The following ADAM12 variants were observed in gnomAD, a reference collection of about 807,000 sequenced individuals.
ADAM12 encodes the protein disintegrin and metalloproteinase domain-containing protein 12.
In ADAM12, 70 loss-of-function variants were observed where a neutral mutation model predicts 106.4. The observed-to-expected ratio is 0.66, with a 90% CI of 0.54 to 0.80. The LOEUF (loss-of-function observed/expected upper bound fraction) is 0.80. Ranked by LOEUF, ADAM12 falls within the 30% of genes least tolerant of loss-of-function variation. ADAM12 has a pLI of 0.00. For synonymous variants in ADAM12, 420 were observed against 433.5 expected, an observed-to-expected ratio of 0.97 and a Z score of 0.39; for missense variants, 1,010 against 1,171.9, an observed-to-expected ratio of 0.86 and a Z score of 2.02.
chr10:126,255,721 T>C (rs543224666), intron 3 of ADAM12, among the ~76,000 whole-genome samples: 3 of 152,122 alleles, frequency 2.0e-5, no homozygotes. Flanking sequence ...CCTGGCTCCA[T>C]GAGGGTTGTC....
intron 1 of ADAM12, among the ~76,000 whole-genome samples, chr10:126,380,325 C>T (rs914871675): frequency 3.9e-5 from 6 of 152,200 alleles, no homozygotes; most frequent in African/African-American, 1.4e-4. Context: ...CATTACCGTT[C>T]TGCTGAGATC....
rs1420073425 is a variant in ADAM12, at chr10:126,249,611, G to A, written c.260+29304C>T. ...CTCAGCTACTTGGGAGGCTGAGGCA[G>A]GAGAATGGCGTCAACCCGGGAGGCG... On this transcript the variant is annotated intron_variant, in intron 3 of 22. Transcript: ENST00000448723. Among the ~76,000 whole-genome samples, 6 of 152,194 alleles carry A rather than the reference G, an allele frequency of 3.9e-5. No homozygotes were observed. The South Asian group carries it at 1.2e-3, about 32-fold the overall frequency.
At chr10:126,106,486 C>CTT (rs533243635) in intron 8 of ADAM12, among the ~76,000 whole-genome samples, 26 of 115,958 alleles carry the variant, frequency 2.2e-4, no homozygotes, top group Admixed American at 3.5e-4. Flanking sequence ...TCTTCTTCTT[C>CTT]TTTTTTTTTT....
rs1312884459 is a variant in ADAM12 at position 126,014,206 on chromosome 10, A to AG, written c.*3072dup. 4 of 148,748 alleles carry AG rather than the reference A, an allele frequency of 2.7e-5. No individual in the cohort carries two copies. The highest frequency in any genetic ancestry group is 5.9e-5 in the Non-Finnish European group (4 of 67,560). 9.2% of individuals were successfully genotyped at this position (148,748 alleles called of 1,614,324 possible). ...GAGTGCTTAGTAAACATCAGTGGCG[A>AG]GGGGGCAGGAGGATGCTCAGCCCTG... is the stretch of plus-strand genomic sequence containing the variant. On this transcript the variant is annotated 3_prime_UTR_variant, in exon 23 of 23. Transcript: ENST00000448723.
At chr10:126,341,983 A>C (rs1273007573) in intron 1 of ADAM12, among the ~76,000 whole-genome samples, 1 of 152,220 alleles carries the variant, frequency 6.6e-6, no homozygotes, top group Non-Finnish European at 1.5e-5. Flanking sequence ...TAGTTTCTAG[A>C]TCTGAAACCT....
intron 2 of ADAM12, among the ~76,000 whole-genome samples, chr10:126,288,572 G>A (rs1959989366): frequency 6.6e-6 from 1 of 152,170 alleles, no homozygotes; most frequent in African/African-American, 2.4e-5. Flanking sequence ...CTGGGGATAG[G>A]ACTGTGTGGT....
chr10:126,243,867 G>T (rs1334512373), intron 3 of ADAM12, among the ~76,000 whole-genome samples: 1 of 152,176 alleles, frequency 6.6e-6, no homozygotes, highest in East Asian at 1.9e-4. Flanking sequence ...CATTGACAAC[G>T]GGGAATGTGA....
intron 2 of ADAM12, among the ~76,000 whole-genome samples, chr10:126,296,107 CAAAACATTTTTT>C (rs1372708338): frequency 6.6e-6 from 1 of 152,118 alleles, no homozygotes; most frequent in East Asian, 1.9e-4. Context: ...AAATGTGCAC[CAAAACATTTTTT>C]AAAATAAAAT....
chr10:126,229,160 A>G (rs985684105), intron 3 of ADAM12, among the ~76,000 whole-genome samples: 1 of 152,146 alleles, frequency 6.6e-6, no homozygotes, highest in Non-Finnish European at 1.5e-5. Flanking sequence ...CCTTCCCAGG[A>G]GGCGGGCAGG....
intron 3 of ADAM12, among the ~76,000 whole-genome samples, chr10:126,206,438 G>A (rs1370718912): frequency 6.6e-6 from 1 of 152,138 alleles, no homozygotes; most frequent in Admixed American, 6.5e-5. Context: ...CAAAGTGAAA[G>A]AGGTGACTCC....
chr10:126,375,512 C>T (rs1856255982), intron 1 of ADAM12, among the ~76,000 whole-genome samples: 1 of 151,964 alleles, frequency 6.6e-6, no homozygotes, highest in Non-Finnish European at 1.5e-5. Flanking sequence ...TACTGACTAC[C>T]TTTGGACTCT....
At chr10:126,083,174 C>T (rs1358085810) in intron 11 of ADAM12, among the ~76,000 whole-genome samples, 3 of 152,190 alleles carry the variant, frequency 2.0e-5, no homozygotes, top group African/African-American at 7.2e-5. Flanking sequence ...TTAGTGAAAC[C>T]CTGCTGGGGA....
chr10:126,173,047 G>C (rs1957147790), intron 3 of ADAM12, among the ~76,000 whole-genome samples: 1 of 152,162 alleles, frequency 6.6e-6, no homozygotes, highest in Admixed American at 6.5e-5. Flanking sequence ...ATAAGTGGGA[G>C]TTGAACAATG....
At chr10:126,362,380 G>T (rs759416208) in intron 1 of ADAM12, among the ~76,000 whole-genome samples, 6 of 151,838 alleles carry the variant, frequency 4.0e-5, no homozygotes, top group Non-Finnish European at 2.9e-5. Flanking sequence ...CTCTATAGAG[G>T]TTCCTCAAAA....
chr10:126,128,564 G>C (rs1324818020), intron 5 of ADAM12, among the ~76,000 whole-genome samples: 2 of 152,084 alleles, frequency 1.3e-5, no homozygotes, highest in East Asian at 3.9e-4. Context: ...TGTGCAAGTG[G>C]GCGCCTGTGC....
At chr10:126,213,391 G>T (rs1454096432) in intron 3 of ADAM12, among the ~76,000 whole-genome samples, 1 of 152,208 alleles carries the variant, frequency 6.6e-6, no homozygotes, top group Non-Finnish European at 1.5e-5. Context: ...ATGATCCCCA[G>T]ATTATATGCC....
At chr10:126,121,800 T>A (rs993705581) in intron 5 of ADAM12, among the ~76,000 whole-genome samples, 5 of 152,104 alleles carry the variant, frequency 3.3e-5, no homozygotes, top group African/African-American at 1.2e-4. Flanking sequence ...AACTCTTAAA[T>A]TTTAATAGAT....
chr10:126,332,994 A>T (rs1055024595), intron 1 of ADAM12, among the ~76,000 whole-genome samples: 1 of 152,222 alleles, frequency 6.6e-6, no homozygotes, highest in African/African-American at 2.4e-5. Flanking sequence ...AGGCAGCTTT[A>T]AAATACTAGC....
intron 2 of ADAM12, among the ~76,000 whole-genome samples, chr10:126,317,055 T>G (rs1459275056): frequency 6.6e-6 from 1 of 152,194 alleles, no homozygotes; most frequent in Non-Finnish European, 1.5e-5. Flanking sequence ...CCTGGGTGAC[T>G]GAAGTTTGAG....
Sources: gnomAD v4.1 joint callset for allele counts (sites outside exome capture counted in the v4.1 genomes callset) on GRCh38, gnomAD v4.1.1 for gene constraint, MANE v1.5 for transcripts, NCBI Gene and HGNC (gene_info 2026-07-23, HGNC 2026-07-21) for gene names.